PLEKHA7: variants seen among roughly 807,000 people sequenced by gnomAD.
PLEKHA7 encodes pleckstrin homology domain-containing family A member 7.
Under a neutral mutation model 170.0 loss-of-function variants are expected in PLEKHA7, and 104 were observed. The ratio of observed to expected loss-of-function variants is 0.61; its 90% CI spans 0.52 to 0.72. PLEKHA7 has a LOEUF of 0.72. Among genes scored for constraint, PLEKHA7 ranks in the 30% least tolerant of loss-of-function variants. The probability of loss-of-function intolerance (pLI) is 0.00; values close to 1 mark genes in which losing one functional copy is unlikely to be tolerated. For missense variants in PLEKHA7, 1,615 were observed against 1,671.7 expected, an observed-to-expected ratio of 0.97 and a Z score of 0.59; for synonymous variants, 648 against 660.8, an observed-to-expected ratio of 0.98 and a Z score of 0.30.
intron 4 of PLEKHA7, among the ~76,000 whole-genome samples, chr11:16,862,998 G>A (rs1402238091): frequency 6.6e-6 from 1 of 152,166 alleles, no homozygotes; most frequent in Non-Finnish European, 1.5e-5. Context: ...GGGCTCAGCA[G>A]ATGAGCAACA....
In PLEKHA7 at chr11:16,778,765, G is replaced by A. The variant is rs1223411402; in HGVS notation, c.*233C>T. ...ATTCTAAAATACAGTGTATTTTACA[G>A]TGTATATCAAAAGTGCCTTTGCCAT... On this transcript the variant is annotated 3_prime_UTR_variant, in exon 27 of 27. Coordinates refer to ENST00000531066, the MANE Select transcript of PLEKHA7 (RefSeq NM_001329630.2). 1.0e-5 allele frequency: 6 copies of A among 593,150 alleles called. No individual in the cohort carries two copies. The highest frequency in any genetic ancestry group is 1.8e-5 in the Non-Finnish European group (6 of 331,788). The allele number at this position is 593,150 out of a possible 1,614,324, so 36.7% of individuals were successfully genotyped here.
intron 3 of PLEKHA7, among the ~76,000 whole-genome samples, chr11:16,981,650 G>A (rs1863435487): frequency 6.6e-6 from 1 of 152,132 alleles, no homozygotes; most frequent in African/African-American, 2.4e-5. Context: ...GGGCGGGGCG[G>A]GGAAGGAGCT....
chr11:16,846,184 C>T (rs1010334140), intron 8 of PLEKHA7, among the ~76,000 whole-genome samples: 14 of 152,070 alleles, frequency 9.2e-5, no homozygotes, highest in Admixed American at 7.2e-4. Flanking sequence ...ACTCAAGAGG[C>T]TGAGGCAGGA....
chr11:16,892,401 T>A (rs1856680204), intron 3 of PLEKHA7, among the ~76,000 whole-genome samples: 2 of 125,706 alleles, frequency 1.6e-5, no homozygotes, highest in Admixed American at 1.6e-4. Context: ...AGAGGTTGTT[T>A]TATTTTGTGT....
intron 8 of PLEKHA7, among the ~76,000 whole-genome samples, chr11:16,844,781 A>G (rs1351383212): frequency 3.9e-5 from 6 of 152,174 alleles, no homozygotes; most frequent in South Asian, 2.1e-4. Context: ...CAAGCCCCCA[A>G]CATCAGCCTT....
At chr11:16,790,041 T>C (rs1554914897) in intron 21 of PLEKHA7, 163 bp from the exon 22 acceptor site, 5 of 674,828 alleles carry the variant, frequency 7.4e-6, no homozygotes, top group Non-Finnish European at 1.3e-5. Flanking sequence ...AGGTCCCCAA[T>C]AGAGGATGGG....
intron 3 of PLEKHA7, among the ~76,000 whole-genome samples, chr11:16,932,259 T>C (rs1859991088): frequency 6.7e-6 from 1 of 148,510 alleles, no homozygotes; most frequent in African/African-American, 2.5e-5. Flanking sequence ...AAATAAATGA[T>C]GGCTATCATT....
chr11:16,831,814 GCA>G (rs1340484785), intron 9 of PLEKHA7, among the ~76,000 whole-genome samples: 2 of 152,198 alleles, frequency 1.3e-5, no homozygotes, highest in African/African-American at 2.4e-5. Flanking sequence ...AAACAGCACA[GCA>G]CAGTGTCTGG....
In PLEKHA7 at chr11:16,813,149, G is replaced by C. The variant is rs1304992427; in HGVS notation, c.1971C>G (p.Leu657=). Residue 657 remains leucine, a synonymous_variant, in exon 13 of 27, where the codon CTC becomes CTG. Transcript: ENST00000531066. ...LHGKSADDTY[L]QLKKDLEYLD... is the part of the protein sequence containing the mutation. ...GGTACTCCAGGTCTTTCTTCAGCTG[G>C]AGGTAGGTATCATCAGCCTTCAAAT... The C allele has an allele frequency of 1.2e-6, 2 of 1,613,680 alleles. No homozygotes were observed. Among genetic ancestry groups the C allele is most frequent in the South Asian group, 2.2e-5 (2 of 91,066 alleles).
At chr11:16,949,085 G>A (rs1861240353) in intron 3 of PLEKHA7, among the ~76,000 whole-genome samples, 1 of 152,066 alleles carries the variant, frequency 6.6e-6, no homozygotes, top group African/African-American at 2.4e-5. Context: ...TGCTCATGTT[G>A]ACTCCATCCC....
chr11:16,788,037 G>A (rs1226156705), intron 23 of PLEKHA7: 1 of 152,408 alleles, frequency 6.6e-6, no homozygotes, highest in African/African-American at 2.4e-5. Flanking sequence ...AACAACCTCA[G>A]TCTTGGGAGA....
In PLEKHA7 at chr11:16,879,846, C is replaced by A. The variant is rs1175497186; in HGVS notation, c.222-8664G>T. On this transcript the variant is annotated intron_variant, in intron 3 of 26. Coordinates refer to ENST00000531066, the MANE Select transcript of PLEKHA7 (RefSeq NM_001329630.2). ...TTAAGTTCTCCAGAGTTCTGCAGAT[C>A]CACTCAATGGCCAATTCATTTTGCA... 1.3e-5 allele frequency among the ~76,000 whole-genome samples: 2 copies of A among 152,190 alleles called. 1 individual carries two copies. Among genetic ancestry groups the A allele is most frequent in the Non-Finnish European group, 2.9e-5 (2 of 68,036 alleles).
intron 3 of PLEKHA7, among the ~76,000 whole-genome samples, chr11:16,940,189 C>T (rs1860585736): frequency 6.6e-6 from 1 of 152,026 alleles, no homozygotes; most frequent in Non-Finnish European, 1.5e-5. Flanking sequence ...TGGCCCCTAG[C>T]ACAGTGGCTG....
At chr11:16,862,224 G>A (rs980965576) in intron 4 of PLEKHA7, among the ~76,000 whole-genome samples, 2 of 152,124 alleles carry the variant, frequency 1.3e-5, no homozygotes, top group African/African-American at 4.8e-5. Context: ...CTAGAAACCA[G>A]CCCAAACAGC....
chr11:16,857,353 A>G (rs1456216162), intron 4 of PLEKHA7, among the ~76,000 whole-genome samples: 1 of 152,232 alleles, frequency 6.6e-6, no homozygotes, highest in East Asian at 1.9e-4. Context: ...GCTCCTTATC[A>G]GCTCAGACAC....
chr11:16,800,424 T>C (rs1239874641), intron 17 of PLEKHA7, among the ~76,000 whole-genome samples: 1 of 152,184 alleles, frequency 6.6e-6, no homozygotes, highest in Non-Finnish European at 1.5e-5. Flanking sequence ...TAAGGCCAAC[T>C]TTCCTGAGTG....
At chr11:16,843,909 C>T (rs1342896976) in intron 8 of PLEKHA7, among the ~76,000 whole-genome samples, 3 of 152,100 alleles carry the variant, frequency 2.0e-5, no homozygotes, top group African/African-American at 7.2e-5. Flanking sequence ...TGCACTCCAG[C>T]CTGGGTGACA....
intron 26 of PLEKHA7, among the ~76,000 whole-genome samples, chr11:16,780,132 G>T (rs564824978): frequency 6.6e-6 from 1 of 152,326 alleles, no homozygotes; most frequent in South Asian, 2.1e-4. Flanking sequence ...AGTGGGATGG[G>T]ATGTCAGGGT....
At chr11:16,779,229 C>T (rs989728496) in intron 26 of PLEKHA7, among the ~76,000 whole-genome samples, 1 of 152,202 alleles carries the variant, frequency 6.6e-6, no homozygotes, top group Non-Finnish European at 1.5e-5. Context: ...CTGCTAGACA[C>T]ATGCTGGCCC....
Sources: allele counts gnomAD v4.1 joint callset (sites outside exome capture counted in the v4.1 genomes callset), GRCh38; gene constraint gnomAD v4.1.1; transcripts MANE v1.5; gene names NCBI Gene and HGNC (gene_info 2026-07-23, HGNC 2026-07-21).